TRAPPC9: variants seen among roughly 807,000 people sequenced by gnomAD.
TRAPPC9 encodes trafficking protein particle complex subunit 9.
In TRAPPC9, 83 loss-of-function variants were observed where a neutral mutation model predicts 124.0. The ratio of observed to expected loss-of-function variants is 0.67; its 90% CI spans 0.56 to 0.80. TRAPPC9 has a LOEUF of 0.80. Ranked by LOEUF, TRAPPC9 falls within the 30% of genes least tolerant of loss-of-function variation. The pLI, the probability that TRAPPC9 is intolerant of heterozygous loss-of-function variation, is 0.00. For synonymous variants in TRAPPC9, 638 were observed against 617.5 expected (o/e 1.03, Z -0.49); for missense variants, 1,302 against 1,508.3 (o/e 0.86, Z 2.27).
chr8:139,903,146 T>A (rs1831126215), intron 20 of TRAPPC9, among the ~76,000 whole-genome samples: 1 of 152,128 alleles, frequency 6.6e-6, no homozygotes, highest in South Asian at 2.1e-4. Flanking sequence ...AGATCATGGT[T>A]ACACCGTCCA....
At chr8:139,774,261 T>A (rs186158533) in intron 21 of TRAPPC9, among the ~76,000 whole-genome samples, 1 of 152,206 alleles carries the variant, frequency 6.6e-6, no homozygotes, top group Non-Finnish European at 1.5e-5. Flanking sequence ...GAGAAGAGAC[T>A]GTGGGTGGTG....
At chr8:139,959,757 G>A (rs1327537325) in intron 19 of TRAPPC9, among the ~76,000 whole-genome samples, 1 of 152,230 alleles carries the variant, frequency 6.6e-6, no homozygotes, top group Non-Finnish European at 1.5e-5. Flanking sequence ...GGCGAAGGGA[G>A]CCACCCAGTA....
At chr8:140,042,120 A>G (rs1258599427) in intron 17 of TRAPPC9, among the ~76,000 whole-genome samples, 1 of 152,202 alleles carries the variant, frequency 6.6e-6, no homozygotes. Flanking sequence ...ATGGTTATTT[A>G]GGAAAGTATC....
At chr8:139,770,228 A>G (rs1268924535) in intron 21 of TRAPPC9, among the ~76,000 whole-genome samples, 1 of 152,222 alleles carries the variant, frequency 6.6e-6, no homozygotes, top group Non-Finnish European at 1.5e-5. Context: ...GTGACAATGG[A>G]GCCCAGACGC....
chr8:139,924,024 C>T (rs966124749), intron 19 of TRAPPC9, among the ~76,000 whole-genome samples: 14 of 152,166 alleles, frequency 9.2e-5, no homozygotes, highest in African/African-American at 1.9e-4. Context: ...ATGCCGAGCA[C>T]GGGGAGGGGG....
intron 16 of TRAPPC9, among the ~76,000 whole-genome samples, chr8:140,231,636 G>A (rs1374992927): frequency 6.7e-6 from 1 of 149,264 alleles, no homozygotes; most frequent in Non-Finnish European, 1.5e-5. Flanking sequence ...GAGATTACAG[G>A]TGTGGCACCA....
At chr8:140,282,649 C>T (rs755338868) in intron 14 of TRAPPC9, among the ~76,000 whole-genome samples, 12 of 151,520 alleles carry the variant, frequency 7.9e-5, no homozygotes, top group African/African-American at 1.2e-4. Context: ...CTTTATGATG[C>T]GCTTTGTTGA....
intron 7 of TRAPPC9, among the ~76,000 whole-genome samples, chr8:140,372,077 C>T (rs1374137931): frequency 6.6e-6 from 1 of 152,218 alleles, no homozygotes; most frequent in Non-Finnish European, 1.5e-5. Context: ...TACAAGCATC[C>T]TGTGAGCTGG....
chr8:139,818,229 G>T (rs1824993454), intron 21 of TRAPPC9, among the ~76,000 whole-genome samples: 1 of 152,180 alleles, frequency 6.6e-6, no homozygotes, highest in East Asian at 1.9e-4. Flanking sequence ...GTGATGAAAT[G>T]ATGTGATCCC....
chr8:140,072,094 T>G (rs1025608418), intron 17 of TRAPPC9, among the ~76,000 whole-genome samples: 5 of 152,196 alleles, frequency 3.3e-5, no homozygotes, highest in African/African-American at 1.2e-4. Context: ...TGAGGGGACA[T>G]TTTTTTAAGG....
At chr8:140,273,477 G>C (rs748398056) in intron 15 of TRAPPC9, among the ~76,000 whole-genome samples, 6 of 152,192 alleles carry the variant, frequency 3.9e-5, no homozygotes, top group Non-Finnish European at 5.9e-5. Flanking sequence ...CAGGCCGCCC[G>C]TGTTTTTGTT....
chr8:139,860,576 C>CTCAAGG (rs1407013762), intron 21 of TRAPPC9, among the ~76,000 whole-genome samples: 2 of 152,224 alleles, frequency 1.3e-5, no homozygotes, highest in East Asian at 3.9e-4. Context: ...ACAAACCAGG[C>CTCAAGG]CTGGAGCTCA....
rs374718866 is a variant in TRAPPC9, at chr8:139,936,695, T to C, written c.2811-26395A>G. On this transcript the variant is annotated intron_variant, in intron 19 of 22. Transcript: ENST00000438773. ...GGGCACCACAGTGTGGTATAAAGCA[T>C]GGGGAGAGTGGGGAGTGGGGACTGC... Among the ~76,000 whole-genome samples, 166 of 142,796 alleles carry C rather than the reference T, an allele frequency of 1.2e-3. 3 individuals carry two copies. The highest frequency in any genetic ancestry group is 4.1e-3 in the African/African-American group (151 of 37,212). The allele number at this position is 142,796 out of a possible 152,430, so 93.7% of individuals were successfully genotyped here.
intron 17 of TRAPPC9, among the ~76,000 whole-genome samples, chr8:140,215,381 G>A (rs961941456): frequency 6.6e-5 from 10 of 152,102 alleles, no homozygotes; most frequent in South Asian, 2.1e-4. Flanking sequence ...GGTGGCTCAC[G>A]CCTGTAATCC....
intron 21 of TRAPPC9, among the ~76,000 whole-genome samples, chr8:139,851,129 T>C (rs1827417761): frequency 6.6e-6 from 1 of 152,122 alleles, no homozygotes; most frequent in Non-Finnish European, 1.5e-5. Flanking sequence ...AACCTGTCAG[T>C]GAATAGAGGA....
In TRAPPC9 at chr8:140,033,684, T is replaced by TTTG. The variant is rs1563706931; in HGVS notation, c.2557-9606_2557-9605insCAA. On this transcript the variant is annotated intron_variant, in intron 17 of 22. Coordinates refer to ENST00000438773, the MANE Select transcript of TRAPPC9 (RefSeq NM_001160372.4). The stretch of plus-strand genomic sequence containing the variant: ...TTTTTTTTTTTTTTTTTTTTTTTTT[T>TTTG]TTTTTTTTTTTTTTTGAGACAGAGT... 2.1e-4 allele frequency among the ~76,000 whole-genome samples: 25 copies of TTTG among 118,526 alleles called. 2 individuals are homozygous for TTTG. The highest frequency in any genetic ancestry group is 1.2e-3 in the East Asian group (5 of 4,102). 77.8% of individuals were successfully genotyped at this position (118,526 alleles called of 152,430 possible).
chr8:140,014,966 A>G (rs1839369639), intron 18 of TRAPPC9, among the ~76,000 whole-genome samples: 1 of 151,760 alleles, frequency 6.6e-6, no homozygotes, highest in African/African-American at 2.4e-5. Context: ...AAAAATACCA[A>G]TAAGAAAAAC....
At chr8:139,868,186 C>G (rs1463106268) in intron 21 of TRAPPC9, among the ~76,000 whole-genome samples, 1 of 152,084 alleles carries the variant, frequency 6.6e-6, no homozygotes, top group Non-Finnish European at 1.5e-5. Flanking sequence ...TGGTGAAACC[C>G]TGTTTCTACT....
intron 21 of TRAPPC9, among the ~76,000 whole-genome samples, chr8:139,777,792 G>A (rs1821494410): frequency 2.0e-5 from 3 of 152,356 alleles, no homozygotes; most frequent in African/African-American, 7.2e-5. Context: ...AAAGAACAGA[G>A]AGAGAAAAGA....
Sources: gnomAD v4.1 joint callset for allele counts (sites outside exome capture counted in the v4.1 genomes callset) on GRCh38, gnomAD v4.1.1 for gene constraint, MANE v1.5 for transcripts, NCBI Gene and HGNC (gene_info 2026-07-23, HGNC 2026-07-21) for gene names.